Variants in COL5A2 observed in about 807,000 individuals in gnomAD.
The protein encoded by COL5A2 is collagen type V alpha 2 chain.
Under a neutral mutation model 208.2 loss-of-function variants are expected in COL5A2, and 23 were observed. The observed-to-expected ratio is 0.11, with a 90% CI of 0.08 to 0.16. The LOEUF (loss-of-function observed/expected upper bound fraction) is 0.16. Ranked by LOEUF, COL5A2 falls within the 10% of genes least tolerant of loss-of-function variation. The pLI is 1.00. For synonymous variants in COL5A2, 625 were observed against 628.5 expected, an observed-to-expected ratio of 0.99 and a Z score of 0.08; for missense variants, 1,590 against 1,956.4, an observed-to-expected ratio of 0.81 and a Z score of 3.53.
At chr2:189,322,597 G>A in the COL5A2 span, among the ~76,000 whole-genome samples, 1 of 152,058 alleles carries the variant, frequency 6.6e-6, no homozygotes, top group African/African-American at 2.4e-5. Context: ...TAAATTCCTC[G>A]ACACATACAC....
chr2:189,438,822 G>A, the COL5A2 span, among the ~76,000 whole-genome samples: 2 of 152,112 alleles, frequency 1.3e-5, no homozygotes, highest in East Asian at 1.9e-4. Context: ...TAGCCTAATC[G>A]TTTCACTTTT....
At chr2:189,369,627 TAGA>T in the COL5A2 span, among the ~76,000 whole-genome samples, 5,531 of 152,240 alleles carry the variant, frequency 0.036, 115 homozygotes, top group Admixed American at 0.05. Context: ...ATTATTATAG[TAGA>T]AGGACATTTG....
chr2:189,165,527 CA>C (rs1325308792), intron 1 of COL5A2, among the ~76,000 whole-genome samples: 1 of 152,152 alleles, frequency 6.6e-6, no homozygotes, highest in Non-Finnish European at 1.5e-5. Flanking sequence ...ATGAGCCAAT[CA>C]GGGAATCCAT....
chr2:189,304,687 A>C, the COL5A2 span, among the ~76,000 whole-genome samples: 1 of 152,170 alleles, frequency 6.6e-6, no homozygotes, highest in Non-Finnish European at 1.5e-5. Context: ...TAACTTCAAC[A>C]CTGAGGATTG....
intron 35 of COL5A2, 51 bp downstream of exon 35, chr2:189,056,922 T>C: frequency 1.3e-6 from 2 of 1,545,168 alleles, no homozygotes; most frequent in Non-Finnish European, 1.8e-6. Flanking sequence ...ACTCATATGA[T>C]ACTGTAATGT....
intron 6 of COL5A2, among the ~76,000 whole-genome samples, chr2:189,096,538 C>T (rs184658611): frequency 1.2e-3 from 175 of 148,648 alleles, no homozygotes; most frequent in Non-Finnish European, 2.0e-3. Context: ...AGGAGAATGG[C>T]GTGAACCAGG....
chr2:189,085,164 T>C lies in COL5A2; in HGVS notation c.794A>G (p.Glu265Gly). The C allele has an allele frequency of 6.2e-7, 1 of 1,611,990 alleles. No homozygotes were observed. ...AAATGAGGAAAGGTAGCTTACATCTTCCCCAGGTTTACCAGGAGGGCCCTC... is the reference window on the plus strand; with the variant it reads ...AAATGAGGAAAGGTAGCTTACATCTCCCCCAGGTTTACCAGGAGGGCCCTC... Reference protein sequence around the residue: ...GPEGPPGKPGEDGEPGRNGNP... With the variant: ...GPEGPPGKPGGDGEPGRNGNP... The change falls in exon 11 of 54, where the codon GAA becomes GGA. Residue 265 changes from glutamate to glycine, a missense_variant. Physicochemically the swap from Glu to Gly is moderately conservative, Grantham distance 98. Transcript: ENST00000374866.
intron 1 of COL5A2, among the ~76,000 whole-genome samples, chr2:189,163,282 G>A (rs1284484395): frequency 2.0e-5 from 3 of 152,102 alleles, no homozygotes; most frequent in East Asian, 3.9e-4. Flanking sequence ...AGATGAATCC[G>A]CCAGCATCAG....
the COL5A2 span, among the ~76,000 whole-genome samples, chr2:189,264,112 T>C: frequency 6.6e-6 from 1 of 152,098 alleles, no homozygotes; most frequent in Non-Finnish European, 1.5e-5. Flanking sequence ...CATTCTTACA[T>C]ACTAGCTACA....
At chr2:189,341,669 C>T in the COL5A2 span, among the ~76,000 whole-genome samples, 4 of 152,128 alleles carry the variant, frequency 2.6e-5, no homozygotes, top group Non-Finnish European at 5.9e-5. Context: ...AGGTGACATT[C>T]ACCACTAGAA....
chr2:189,293,862 C>T, the COL5A2 span, among the ~76,000 whole-genome samples: 1 of 152,052 alleles, frequency 6.6e-6, no homozygotes, highest in Non-Finnish European at 1.5e-5. Flanking sequence ...AAGGCGGGCA[C>T]ATCACAAGGT....
chr2:189,281,730 T>C, the COL5A2 span, among the ~76,000 whole-genome samples: 3 of 152,176 alleles, frequency 2.0e-5, no homozygotes, highest in East Asian at 1.9e-4. Flanking sequence ...TAAGGAGATA[T>C]AGCAATGTAC....
chr2:189,405,585 C>T, the COL5A2 span, among the ~76,000 whole-genome samples: 1 of 152,158 alleles, frequency 6.6e-6, no homozygotes, highest in East Asian at 1.9e-4. Context: ...AAGATTATTG[C>T]ATTCTGTAGA....
chr2:189,333,272 C>T, the COL5A2 span, among the ~76,000 whole-genome samples: 3 of 151,890 alleles, frequency 2.0e-5, no homozygotes, highest in Non-Finnish European at 4.4e-5. Context: ...GTCAAAAGAC[C>T]ATCCTTTTTA....
At chr2:189,138,044 G>A (rs1157231967) in intron 1 of COL5A2, among the ~76,000 whole-genome samples, 9 of 151,946 alleles carry the variant, frequency 5.9e-5, no homozygotes, top group Admixed American at 1.3e-4. Context: ...GCATGATGTC[G>A]GCTCACTGCA....
intron 1 of COL5A2, among the ~76,000 whole-genome samples, chr2:189,169,747 T>C (rs1300784683): frequency 1.3e-5 from 2 of 152,252 alleles, no homozygotes; most frequent in African/African-American, 2.4e-5. Context: ...TTTTTGCTCT[T>C]GTTGCCCAGG....
chr2:189,409,204 CTTTTTTT>C, the COL5A2 span, among the ~76,000 whole-genome samples: 90 of 92,092 alleles, frequency 9.8e-4, 1 homozygote, highest in African/African-American at 3.4e-3. Flanking sequence ...TAAATTTACT[CTTTTTTT>C]TTTTTTTTTT....
At position 189,061,639 on chromosome 2, in the gene COL5A2, T is replaced by C. The variant is rs543917064; in HGVS notation, c.1978-24A>G. ...CCCTAAGTTGTGAAGGAGAAAATAA[T>C]TGTGAATATAACCAGATCTTTGTCT... On this transcript the variant is annotated intron_variant, in intron 29 of 53. Transcript: ENST00000374866. The C allele has an allele frequency of 1.1e-5, 18 of 1,579,826 alleles. No individual in the cohort carries two copies. The African/African-American group carries it at 1.6e-4, about 14-fold the overall frequency.
intron 1 of COL5A2, among the ~76,000 whole-genome samples, chr2:189,168,752 C>A (rs1336632748): frequency 6.6e-6 from 1 of 152,116 alleles, no homozygotes. Flanking sequence ...CACAGAACAA[C>A]CATATTGAAT....
Sources: gnomAD v4.1 joint callset for allele counts (sites outside exome capture counted in the v4.1 genomes callset) on GRCh38, gnomAD v4.1.1 for gene constraint, MANE v1.5 for transcripts, NCBI Gene and HGNC (gene_info 2026-07-23, HGNC 2026-07-21) for gene names.